ATOSA: variants seen among roughly 807,000 people sequenced by gnomAD.
ATOSA encodes the protein atos homolog protein A.
chr15:52,699,380 CTTGTAAAGTATA>C, the ATOSA span, among the ~76,000 whole-genome samples: 2 of 151,908 alleles, frequency 1.3e-5, no homozygotes, highest in Non-Finnish European at 2.9e-5. Flanking sequence ...TTCCCACATC[CTTGTAAAGTATA>C]TATGGTCATC....
chr15:52,583,529 G>A, the ATOSA span, among the ~76,000 whole-genome samples: 2 of 152,052 alleles, frequency 1.3e-5, no homozygotes, highest in Non-Finnish European at 2.9e-5. Context: ...GGGATTACAG[G>A]TGTCCACCAC....
the ATOSA span, among the ~76,000 whole-genome samples, chr15:52,650,910 A>C: frequency 6.6e-6 from 1 of 152,246 alleles, no homozygotes; most frequent in Non-Finnish European, 1.5e-5. Context: ...TAAATCACAT[A>C]TGTAAACTTT....
chr15:52,695,475 C>T, the ATOSA span, among the ~76,000 whole-genome samples: 6 of 152,162 alleles, frequency 3.9e-5, no homozygotes, highest in East Asian at 1.9e-4. Context: ...ACTTCTCTCC[C>T]GCCTTTTCTT....
At chr15:52,695,531 G>T in the ATOSA span, among the ~76,000 whole-genome samples, 4 of 152,102 alleles carry the variant, frequency 2.6e-5, no homozygotes, top group African/African-American at 7.2e-5. Context: ...AATATCTATT[G>T]AGCATCTACT....
At chr15:52,707,035 A>G in the ATOSA span, among the ~76,000 whole-genome samples, 2 of 152,202 alleles carry the variant, frequency 1.3e-5, no homozygotes, top group Non-Finnish European at 2.9e-5. Context: ...GGGGAGTTGT[A>G]TGGTGTGTGA....
the ATOSA span, among the ~76,000 whole-genome samples, chr15:52,663,769 C>G: frequency 6.6e-6 from 1 of 152,226 alleles, no homozygotes; most frequent in African/African-American, 2.4e-5. Flanking sequence ...ATAGGCATGC[C>G]TCAACAAGCC....
the ATOSA span, among the ~76,000 whole-genome samples, chr15:52,703,421 A>G: frequency 6.6e-6 from 1 of 152,176 alleles, no homozygotes; most frequent in Non-Finnish European, 1.5e-5. Flanking sequence ...TACAAATTAA[A>G]TTACCCTAAG....
the ATOSA span, among the ~76,000 whole-genome samples, chr15:52,695,068 G>A: frequency 2.6e-5 from 4 of 151,952 alleles, no homozygotes; most frequent in South Asian, 2.1e-4. Context: ...GGGATTACAG[G>A]CGTGCATCAC....
chr15:52,649,099 GA>G, the ATOSA span, among the ~76,000 whole-genome samples: 1 of 151,984 alleles, frequency 6.6e-6, no homozygotes, highest in Admixed American at 6.6e-5. Context: ...TGAAGATTAA[GA>G]AAAAAATTTA....
At chr15:52,679,796 C>G in the ATOSA span, among the ~76,000 whole-genome samples, 1 of 113,226 alleles carries the variant, frequency 8.8e-6, no homozygotes, top group Admixed American at 8.3e-5. Context: ...CTCCTCCTCC[C>G]CCCTCCCCCT....
chr15:52,629,996 A>G, the ATOSA span, among the ~76,000 whole-genome samples: 1 of 152,142 alleles, frequency 6.6e-6, no homozygotes, highest in African/African-American at 2.4e-5. Context: ...AGCTAGAGGA[A>G]GTTCAACAGG....
the ATOSA span, among the ~76,000 whole-genome samples, chr15:52,706,612 T>C: frequency 6.6e-6 from 1 of 152,068 alleles, no homozygotes; most frequent in African/African-American, 2.4e-5. Context: ...AAAAACCAGC[T>C]TGAAAGACCC....
the ATOSA span, among the ~76,000 whole-genome samples, chr15:52,596,322 C>A: frequency 6.6e-6 from 1 of 152,016 alleles, no homozygotes; most frequent in Non-Finnish European, 1.5e-5. Flanking sequence ...CAAGATGATT[C>A]TAAAATTTAT....
At chr15:52,612,037 G>C in the ATOSA span, among the ~76,000 whole-genome samples, 3 of 151,908 alleles carry the variant, frequency 2.0e-5, no homozygotes, top group Non-Finnish European at 2.9e-5. Context: ...CAGGCTGGAG[G>C]GCAGTGGTGC....
At chr15:52,643,584 T>C in the ATOSA span, among the ~76,000 whole-genome samples, 1 of 149,538 alleles carries the variant, frequency 6.7e-6, no homozygotes, top group Admixed American at 6.6e-5. Flanking sequence ...TACCTGGCCT[T>C]GAACTCTTTT....
At chr15:52,607,080 C>CT in the ATOSA span, among the ~76,000 whole-genome samples, 3 of 152,248 alleles carry the variant, frequency 2.0e-5, no homozygotes, top group Non-Finnish European at 2.9e-5. Context: ...TATCACCACT[C>CT]TAAGATAGGC....
At chr15:52,601,715 G>C in the ATOSA span, among the ~76,000 whole-genome samples, 1 of 151,942 alleles carries the variant, frequency 6.6e-6, no homozygotes, top group Non-Finnish European at 1.5e-5. Flanking sequence ...TACATTTAAA[G>C]CAAAACACCA....
chr15:52,586,874 T>C, the ATOSA span: 1 of 294,652 alleles, frequency 3.4e-6, no homozygotes. Context: ...CCAGTAATAT[T>C]AGGTTCTAAA....
the ATOSA span, among the ~76,000 whole-genome samples, chr15:52,686,410 C>G: frequency 2.0e-5 from 3 of 152,024 alleles, no homozygotes; most frequent in Non-Finnish European, 4.4e-5. Context: ...AGAGTTCTAC[C>G]CTTCAAAAAG....
Sources: allele counts gnomAD v4.1 joint callset (sites outside exome capture counted in the v4.1 genomes callset), GRCh38; gene constraint gnomAD v4.1.1; transcripts MANE v1.5; gene names NCBI Gene and HGNC (gene_info 2026-07-23, HGNC 2026-07-21).